Variants in SERPINB4 observed in about 807,000 individuals in gnomAD.
SERPINB4 encodes serpin family B member 4.
SERPINB4 carries 39 observed loss-of-function variants against 33.2 expected under a neutral mutation model. That is an observed-to-expected ratio of 1.18 (90% CI 0.91 to 1.53). The LOEUF (loss-of-function observed/expected upper bound fraction) is 1.53, where lower values mean the gene tolerates loss of function less well. Ranked by LOEUF, SERPINB4 falls within the 40% of genes most tolerant of loss-of-function variation. The pLI, the probability that SERPINB4 is intolerant of heterozygous loss-of-function variation, is 0.00. For synonymous variants in SERPINB4, 191 were observed against 166.4 expected, an observed-to-expected ratio of 1.15 and a Z score of -1.14; for missense variants, 564 against 455.4, an observed-to-expected ratio of 1.24 and a Z score of -2.17.
chr18:63,641,030 T>C, intron 4 of SERPINB4, 39 bp from the exon 5 acceptor site: 2 of 1,524,678 alleles, frequency 1.3e-6, no homozygotes, highest in Middle Eastern at 1.7e-4. Flanking sequence ...TTAGGAGTAA[T>C]TTATGTAACT....
chr18:63,643,737 G>A (rs555514130), intron 1 of SERPINB4, 134 bp from the exon 2 acceptor site: 200 of 965,048 alleles, frequency 2.1e-4, no homozygotes, highest in Middle Eastern at 6.1e-4. Flanking sequence ...TATTTTTAAC[G>A]CTTCAATCTT....
At chr18:63,644,159 T>G (rs1195437097) in intron 1 of SERPINB4, 50 bp downstream of exon 1, 6 of 152,530 alleles carry the variant, frequency 3.9e-5, no homozygotes, top group Non-Finnish European at 8.8e-5. Context: ...ATCATTATTA[T>G]TCTCAAAAAT....
Position 63,639,771 on chromosome 18 carries a change from T to A in SERPINB4, c.475A>T (p.Ile159Phe), listed in dbSNP as rs9946214. 297 of 1,608,176 alleles carry A rather than the reference T, an allele frequency of 1.8e-4. 1 individual carries two copies. In the African/African-American group the frequency reaches 3.4e-3, roughly 18 times the overall value. Residue 159 changes from isoleucine to phenylalanine, a missense_variant, in exon 6 of 8, where the codon ATT becomes TTT. Physicochemically the swap from Ile to Phe is conservative, Grantham distance 21. Coordinates refer to ENST00000341074, the MANE Select transcript of SERPINB4 (RefSeq NM_002974.4). ...SWVESQTNEKIKNLFPDGTIG... is the reference protein window; with the variant it reads ...SWVESQTNEKFKNLFPDGTIG... The stretch of plus-strand genomic sequence containing the variant: ...GTCCCATCAGGAAATAGGTTTTTAA[T>A]TTTTTCTGCAAGGGAAAGAATAAAA...
In SERPINB4 at chr18:63,638,010, G is replaced by A. The variant is rs368724496; in HGVS notation, c.882C>T (p.Asp294=). 1.2e-6 allele frequency: 2 copies of A among 1,613,648 alleles called. No homozygotes were observed. The highest frequency in any genetic ancestry group is 2.2e-5 in the East Asian group (1 of 44,862). ...LPRFKMEESY[D]LKDTLRTMGM... ...CCATGGTTCTCAACGTGTCCTTGAG[G>A]TCATAGCTCTCTTCCATTTTGAACC... The change falls in exon 8 of 8, where the codon GAC becomes GAT. Residue 294 remains aspartate (D), a synonymous_variant. Transcript: ENST00000341074.
At chr18:63,638,208 G>A (rs1243612682) in intron 7 of SERPINB4, 85 bp from the exon 8 acceptor site, 72 of 1,454,876 alleles carry the variant, frequency 4.9e-5, no homozygotes, top group Non-Finnish European at 6.0e-5. Context: ...GTGGAGATTC[G>A]TTATTTTGGC....
At chr18:63,640,731 A>G in intron 5 of SERPINB4, 143 bp downstream of exon 5, 1 of 654,262 alleles carries the variant, frequency 1.5e-6, no homozygotes, top group Non-Finnish European at 2.7e-6. Flanking sequence ...TCATTTGGAC[A>G]AATCCTTCAT....
At position 63,637,615 on chromosome 18, in the gene SERPINB4, T is replaced by C. The variant is rs1038982507; in HGVS notation, c.*104A>G. 8.4e-6 allele frequency: 10 copies of C among 1,194,342 alleles called. No individual in the cohort carries two copies. The highest frequency in any genetic ancestry group is 7.3e-5 in the Admixed American group (3 of 41,354). 74.0% of individuals were successfully genotyped at this position (1,194,342 alleles called of 1,614,324 possible). A position where few individuals can be genotyped will look rare whatever the true frequency, so the allele number is the denominator to read the frequency against. ...GATGACTATCATCATCAAGATGAGA[T>C]AGAAAAGAAATATGAGCCAAGAGAA... On this transcript the variant is annotated 3_prime_UTR_variant, in exon 8 of 8. Coordinates refer to ENST00000341074, the MANE Select transcript of SERPINB4 (RefSeq NM_002974.4).
rs532460179 is a variant in SERPINB4 at position 63,638,056 on chromosome 18, CAT to C, written c.834_835del (p.Val280ArgfsTer14). On this transcript the variant is annotated frameshift_variant, in exon 8 of 8. Coordinates refer to ENST00000341074, the MANE Select transcript of SERPINB4 (RefSeq NM_002974.4). LOFTEE classifies it low-confidence loss of function (END_TRUNC). ...GAACCGAGGTAAGTGTAAATCGACA[CAT>C]GTCTCTCTCATATTCTGCAAACTTG... The C allele has an allele frequency of 1.8e-4, 297 of 1,613,538 alleles. No homozygotes were observed. The highest frequency in any genetic ancestry group is 8.8e-4 in the African/African-American group (66 of 74,992).
At chr18:63,641,542 A>T (rs536928018) in intron 4 of SERPINB4, among the ~76,000 whole-genome samples, 1 of 152,154 alleles carries the variant, frequency 6.6e-6, no homozygotes, top group South Asian at 2.1e-4. Flanking sequence ...CTCCTCTTTT[A>T]TCACAAGATT....
chr18:63,642,375 A>T (rs1913164160), intron 3 of SERPINB4, among the ~76,000 whole-genome samples: 1 of 152,114 alleles, frequency 6.6e-6, no homozygotes, highest in Non-Finnish European at 1.5e-5. Flanking sequence ...CATGATGGTC[A>T]TTCTCTGCAC....
chr18:63,643,013 A>C, intron 3 of SERPINB4, 148 bp downstream of exon 3: 1 of 887,708 alleles, frequency 1.1e-6, no homozygotes, highest in Non-Finnish European at 1.8e-6. Flanking sequence ...ATTATGTGCC[A>C]TGAAATGCCA....
At chr18:63,638,194 CTA>C (rs928701851) in intron 7 of SERPINB4, 71 bp from the exon 8 acceptor site, 14 of 1,510,856 alleles carry the variant, frequency 9.3e-6, no homozygotes, top group African/African-American at 5.6e-5. Flanking sequence ...AATGAATTGA[CTA>C]TGTGGAGATT....
In SERPINB4 at chr18:63,639,347, T is replaced by C. The variant is rs1913047425; in HGVS notation, c.613-7A>G. 1 of 1,595,786 alleles carries C rather than the reference T, an allele frequency of 6.3e-7. No homozygotes were observed. The highest frequency in any genetic ancestry group is 8.6e-7 in the Non-Finnish European group (1 of 1,167,802). On this transcript the variant is annotated splice_region_variant and splice_polypyrimidine_tract_variant and intron_variant, in intron 6 of 7. Coordinates refer to ENST00000341074, the MANE Select transcript of SERPINB4 (RefSeq NM_002974.4). Reference sequence around the variant, plus strand: ...GTACAGATTTGTATGTATTCTGCAATAAATCAATGTGTCCAACAAATAACA... The same window carrying C: ...GTACAGATTTGTATGTATTCTGCAACAAATCAATGTGTCCAACAAATAACA...
rs371020441 is a variant in SERPINB4 at position 63,637,735 on chromosome 18, C to T, written c.1157G>A (p.Arg386Lys). Residue 386 changes from arginine (R) to lysine (K), a missense_variant, in exon 8 of 8, where the codon AGA becomes AAA. Coordinates refer to ENST00000341074, the MANE Select transcript of SERPINB4 (RefSeq NM_002974.4). ...TAATTGCATCTATGGGGATGAGAAT[C>T]TGCCATAGAAGAGGATGCTGTTGGT... ...NKTNSILFYG[R>K]FSSP 3 of 1,606,500 alleles carry T rather than the reference C, an allele frequency of 1.9e-6. No homozygotes were observed. The African/African-American group carries it at 4.0e-5, about 22-fold the overall frequency.
intron 4 of SERPINB4, among the ~76,000 whole-genome samples, chr18:63,641,249 T>G (rs1273438328): frequency 6.6e-6 from 1 of 152,092 alleles, no homozygotes; most frequent in African/African-American, 2.4e-5. Flanking sequence ...GTTTGCAAAC[T>G]GCAGAGCAGG....
intron 7 of SERPINB4, 97 bp from the exon 8 acceptor site, chr18:63,638,220 A>G: frequency 7.2e-7 from 1 of 1,379,450 alleles, no homozygotes; most frequent in Admixed American, 2.6e-5. Flanking sequence ...TATTTTGGCA[A>G]TAAATGTGAA....
intron 3 of SERPINB4, among the ~76,000 whole-genome samples, chr18:63,642,645 G>T (rs1326018671): frequency 2.0e-5 from 3 of 151,900 alleles, no homozygotes; most frequent in Non-Finnish European, 4.4e-5. Context: ...AATATACTTG[G>T]ACTTGTGCTT....
At chr18:63,640,353 C>A (rs1913085206) in intron 5 of SERPINB4, among the ~76,000 whole-genome samples, 1 of 151,988 alleles carries the variant, frequency 6.6e-6, no homozygotes, top group Non-Finnish European at 1.5e-5. Flanking sequence ...AGAATGGAGA[C>A]TTTGTCAAGC....
At chr18:63,641,931 T>C in intron 3 of SERPINB4, 43 bp from the exon 4 acceptor site, 1 of 1,610,016 alleles carries the variant, frequency 6.2e-7, no homozygotes, top group Non-Finnish European at 8.5e-7. Context: ...GCTGTATCAA[T>C]GTAAATACTA....
Sources: allele counts gnomAD v4.1 joint callset (sites outside exome capture counted in the v4.1 genomes callset), GRCh38; gene constraint gnomAD v4.1.1; transcripts MANE v1.5; gene names NCBI Gene and HGNC (gene_info 2026-07-23, HGNC 2026-07-21).